The following CHRNA5 variants were observed in gnomAD, a reference collection of about 807,000 sequenced individuals.
CHRNA5 encodes cholinergic receptor nicotinic alpha 5 subunit.
In CHRNA5, 28 loss-of-function variants were observed where a neutral mutation model predicts 41.2. The ratio of observed to expected loss-of-function variants is 0.68; its 90% confidence interval spans 0.50 to 0.93. The LOEUF (loss-of-function observed/expected upper bound fraction) is 0.93. Among genes scored for constraint, CHRNA5 ranks in the 40% least tolerant of loss-of-function variants. The pLI is 0.00. For missense variants in CHRNA5, 481 were observed against 581.9 expected (o/e 0.83, Z 1.78); for synonymous variants, 188 against 205.8 (o/e 0.91, Z 0.74).
In CHRNA5 at chr15:78,580,862, A is replaced by T. The variant is rs2052906173; in HGVS notation, c.158A>T (p.Asp53Val). 3 of 1,613,610 alleles carry T rather than the reference A, an allele frequency of 1.9e-6. No individual in the cohort carries two copies. The East Asian group carries it at 6.7e-5, about 36-fold the overall frequency. The change falls in exon 2 of 6, where the codon GAT becomes GTT. Residue 53 changes from aspartate (D) to valine (V), a missense_variant. Transcript: ENST00000299565. ...AAACATGAAGATAGTTTGCTTAAGG[A>T]TTTATTTCAAGACTACGAAAGATGG...
intron 1 of CHRNA5, among the ~76,000 whole-genome samples, chr15:78,575,616 T>C (rs1475996165): frequency 2.0e-5 from 3 of 152,242 alleles, no homozygotes; most frequent in African/African-American, 7.2e-5. Flanking sequence ...TGCCTGGGAC[T>C]GTCTGGAGAC....
exon 6 of CHRNA5, chr15:78,593,530 C>G (rs142884378): frequency 2.2e-4 from 50 of 224,862 alleles, no homozygotes; most frequent in African/African-American, 1.0e-3. Context: ...GCAAATAATA[C>G]TAATTTATAA....
At chr15:78,593,066 A>G (rs936162811) in intron 5 of CHRNA5, 26 bp from the exon 6 acceptor site, 3 of 1,595,002 alleles carry the variant, frequency 1.9e-6, no homozygotes, top group Non-Finnish European at 2.6e-6. Flanking sequence ...CAATTATTTA[A>G]TGCATTTTTA....
chr15:78,593,495 T>G (rs1373866658), exon 6 of CHRNA5: 2 of 287,962 alleles, frequency 6.9e-6, no homozygotes, highest in African/African-American at 4.4e-5. Context: ...ACTGGACTAG[T>G]GAAAAATCTA....
chr15:78,577,786 T>C (rs2052871914), intron 1 of CHRNA5, among the ~76,000 whole-genome samples: 1 of 151,656 alleles, frequency 6.6e-6, no homozygotes, highest in African/African-American at 2.4e-5. Context: ...TACAAAACAT[T>C]AGCCAGGTGT....
chr15:78,568,891 A>G lies in CHRNA5; in HGVS notation c.106+3066A>G, dbSNP rs2052773796. On this transcript the variant is annotated intron_variant, in intron 1 of 5. Coordinates refer to ENST00000299565, the Ensembl canonical transcript of CHRNA5. ...TTTTAATTACTATATGTAGTGGCTG[A>G]AAATGAAATAGGAAAATGAAATAAT... 2.0e-5 allele frequency among the ~76,000 whole-genome samples: 3 copies of G among 152,326 alleles called. No individual in the cohort carries two copies. The South Asian group carries it at 6.2e-4, about 32-fold the overall frequency.
chr15:78,570,614 A>G (rs779668872), intron 1 of CHRNA5, among the ~76,000 whole-genome samples: 2 of 151,922 alleles, frequency 1.3e-5, no homozygotes, highest in African/African-American at 4.8e-5. Context: ...CTTCTCTTCC[A>G]AAGTGTGATT....
intron 1 of CHRNA5, 53 bp from the exon 2 acceptor site, chr15:78,580,758 G>T: frequency 6.7e-7 from 1 of 1,489,246 alleles, no homozygotes; most frequent in Non-Finnish European, 9.2e-7. Context: ...GAAAGTACAG[G>T]TATCTGGTGG....
intron 2 of CHRNA5, among the ~76,000 whole-genome samples, chr15:78,585,256 G>T (rs1596062145): frequency 6.6e-6 from 1 of 152,086 alleles, no homozygotes; most frequent in African/African-American, 2.4e-5. Flanking sequence ...CTTTGGAACT[G>T]CAGTGTAAGA....
At chr15:78,572,123 T>C (rs1319312437) in intron 1 of CHRNA5, among the ~76,000 whole-genome samples, 1 of 152,200 alleles carries the variant, frequency 6.6e-6, no homozygotes, top group Non-Finnish European at 1.5e-5. Context: ...TCAAATCTTT[T>C]TAGATATATT....
At chr15:78,589,705 GCAAT>G in intron 4 of CHRNA5, 96 bp from the exon 5 acceptor site, 3 of 899,328 alleles carry the variant, frequency 3.3e-6, no homozygotes, top group Non-Finnish European at 5.0e-6. Context: ...ATTATTTCAT[GCAAT>G]CAATGATAGG....
At chr15:78,576,607 C>G (rs1016372126) in intron 1 of CHRNA5, among the ~76,000 whole-genome samples, 1 of 146,002 alleles carries the variant, frequency 6.8e-6, no homozygotes, top group Admixed American at 7.4e-5. Flanking sequence ...CAAAAAGAGA[C>G]CCTGTCTCTA....
chr15:78,583,596 G>A (rs1451652267), intron 2 of CHRNA5, among the ~76,000 whole-genome samples: 2 of 152,008 alleles, frequency 1.3e-5, no homozygotes, highest in African/African-American at 2.4e-5. Flanking sequence ...TCGGGAGGCC[G>A]AGGCAGGAGA....
intron 2 of CHRNA5, among the ~76,000 whole-genome samples, chr15:78,583,118 T>C (rs2052928428): frequency 6.6e-6 from 1 of 152,200 alleles, no homozygotes; most frequent in African/African-American, 2.4e-5. Context: ...CTGGGTGAAC[T>C]TTATTCCTTG....
At position 78,588,343 on chromosome 15, in the gene CHRNA5, C is replaced by A; in HGVS notation, c.333C>A (p.Asn111Lys). ...GGATAGATGTAAAATTAAGATGGAA[C>A]CCTGATGACTATGGTGGAATAAAAG... The change falls in exon 4 of 6, where the codon AAC (asparagine) becomes AAA (lysine). Residue 111 changes from asparagine to lysine, a missense_variant. Transcript: ENST00000299565. This position sits in a 1 kb window ranked among gnomAD's most constrained non-coding sequence, Gnocchi z 4.1. The A allele has an allele frequency of 1.3e-6, 2 of 1,589,064 alleles. No homozygotes were observed. Among genetic ancestry groups the A allele is most frequent in the Non-Finnish European group, 8.6e-7 (1 of 1,164,330 alleles).
In CHRNA5 at chr15:78,565,536, CGCCAGAAGCTGCTA is replaced by C; in HGVS notation, c.-182_-169del. On this transcript the variant is annotated 5_prime_UTR_variant, in exon 1 of 6. It introduces an in-frame stop codon into an upstream open reading frame of the 5' UTR. Transcript: ENST00000299565. ...GGAGCTTCCACATGCGTCCCGAGCC[CGCCAGAAGCTGCTA>C]GGCTGAGGCTGCTGTCCCGGCGGGA... 4.8e-6 allele frequency: 1 copy of C among 209,692 alleles called. No individual in the cohort carries two copies. Among genetic ancestry groups the C allele is most frequent in the African/African-American group, 2.3e-5 (1 of 42,866 alleles). The allele number at this position is 209,692 out of a possible 1,614,324, so 13.0% of individuals were successfully genotyped here.
exon 6 of CHRNA5, chr15:78,594,454 A>G (rs1435747426): frequency 6.6e-6 from 1 of 152,192 alleles, no homozygotes; most frequent in Non-Finnish European, 1.5e-5. Context: ...AGGCAGGTGG[A>G]TCACCAGAGG....
At chr15:78,587,460 C>G (rs2052971112) in intron 3 of CHRNA5, among the ~76,000 whole-genome samples, 1 of 8,982 alleles carries the variant, frequency 1.1e-4, no homozygotes, top group South Asian at 0.026. Flanking sequence ...CCTACAAGTG[C>G]AAAGGTTTCT....
intron 1 of CHRNA5, among the ~76,000 whole-genome samples, chr15:78,576,738 G>A (rs1251439982): frequency 2.0e-5 from 3 of 151,296 alleles, no homozygotes; most frequent in East Asian, 3.9e-4. Context: ...GTTCCAGGCT[G>A]CAGTGAGCCG....
Sources: gnomAD v4.1 joint callset for allele counts (sites outside exome capture counted in the v4.1 genomes callset) on GRCh38, gnomAD v4.1.1 for gene constraint, Gnocchi (gnomAD v3.1) non-coding constraint, MANE v1.5 for transcripts, NCBI Gene and HGNC (gene_info 2026-07-23, HGNC 2026-07-21) for gene names.